The following ERCC6L variants were observed in gnomAD, a reference collection of about 807,000 sequenced individuals.
ERCC6L encodes DNA excision repair protein ERCC-6-like.
A neutral mutation model predicts 20.1 loss-of-function variants in ERCC6L; 7 were observed. The observed-to-expected ratio is 0.35, with a 90% CI of 0.20 to 0.65. The LOEUF is 0.65. Ranked by LOEUF, ERCC6L falls within the 30% of genes least tolerant of loss-of-function variation. ERCC6L has a pLI of 0.69. For missense variants in ERCC6L, 592 were observed against 892.4 expected, an observed-to-expected ratio of 0.66 and a Z score of 4.29; for synonymous variants, 278 against 331.3, an observed-to-expected ratio of 0.84 and a Z score of 1.75.
intron 1 of ERCC6L, among the ~76,000 whole-genome samples, chrX:72,229,289 A>C (rs960815716): frequency 7.2e-5 from 8 of 111,412 alleles, no homozygotes; most frequent in Admixed American, 1.9e-4. Flanking sequence ...ACCCAGTATC[A>C]CCTGAAGCAA....
chrX:72,221,433 G>A (rs867757059), intron 1 of ERCC6L, among the ~76,000 whole-genome samples: 1 of 110,797 alleles, frequency 9.0e-6, no homozygotes, highest in African/African-American at 3.3e-5. Flanking sequence ...GAAAGAGGAC[G>A]CCGGGTCTCT....
At chrX:72,212,737 T>G (rs2042862914) in intron 1 of ERCC6L, among the ~76,000 whole-genome samples, 1 of 111,798 alleles carries the variant, frequency 8.9e-6, no homozygotes, top group Admixed American at 9.5e-5. Context: ...GCCCAGGAGT[T>G]TGAGACTAGC....
chrX:72,213,127 G>A (rs2042866058), intron 1 of ERCC6L, among the ~76,000 whole-genome samples: 1 of 111,926 alleles, frequency 8.9e-6, no homozygotes. Context: ...CATGTGAGTG[G>A]GGTTATTGCT....
intron 1 of ERCC6L, among the ~76,000 whole-genome samples, chrX:72,232,065 C>T (rs1390961820): frequency 9.2e-6 from 1 of 108,783 alleles, no homozygotes; most frequent in East Asian, 2.9e-4. Context: ...GATGACAGAG[C>T]GAGACCCTGT....
intron 1 of ERCC6L, among the ~76,000 whole-genome samples, chrX:72,233,744 G>A (rs1341391075): frequency 1.0e-5 from 1 of 97,918 alleles, no homozygotes; most frequent in African/African-American, 4.3e-5. Context: ...TTTGAATATG[G>A]ACTATGTATT....
At chrX:72,214,297 TTCAG>T (rs756901177) in intron 1 of ERCC6L, among the ~76,000 whole-genome samples, 91 of 112,301 alleles carry the variant, frequency 8.1e-4, no homozygotes, top group Non-Finnish European at 1.4e-3. Flanking sequence ...TGGTTCACAT[TTCAG>T]TCAAACAATA....
chrX:72,219,245 G>T (rs758356713), intron 1 of ERCC6L, among the ~76,000 whole-genome samples: 3 of 109,216 alleles, frequency 2.7e-5, no homozygotes, highest in Admixed American at 9.8e-5. Context: ...AACAGAATGA[G>T]ACCCTGTCCC....
chrX:72,226,405 T>C (rs781320104), intron 1 of ERCC6L, among the ~76,000 whole-genome samples: 1 of 112,063 alleles, frequency 8.9e-6, no homozygotes, highest in East Asian at 2.8e-4. Context: ...AACAAGCAGA[T>C]TTATTTGCCC....
At chrX:72,228,405 A>G (rs2042965485) in intron 1 of ERCC6L, among the ~76,000 whole-genome samples, 1 of 111,873 alleles carries the variant, frequency 8.9e-6, no homozygotes, top group South Asian at 3.7e-4. Context: ...AACTGGTTTC[A>G]TTATACTTCT....
intron 1 of ERCC6L, among the ~76,000 whole-genome samples, chrX:72,217,655 C>T (rs751904216): frequency 9.0e-6 from 1 of 110,804 alleles, no homozygotes; most frequent in African/African-American, 3.3e-5. Flanking sequence ...GTTACTTGCC[C>T]ACCCTAGTGG....
chrX:72,235,310 A>G (rs2043010026), intron 1 of ERCC6L, among the ~76,000 whole-genome samples: 1 of 107,523 alleles, frequency 9.3e-6, no homozygotes, highest in Non-Finnish European at 1.9e-5. Flanking sequence ...CCCTTCCCCC[A>G]TCTACCGAGC....
At chrX:72,214,779 G>C (rs1437058948) in intron 1 of ERCC6L, among the ~76,000 whole-genome samples, 1 of 111,321 alleles carries the variant, frequency 9.0e-6, no homozygotes, top group Non-Finnish European at 1.9e-5. Flanking sequence ...TTGAGGTCAG[G>C]AGTTCGAGAT....
At chrX:72,234,891 A>G (rs1276976680) in intron 1 of ERCC6L, among the ~76,000 whole-genome samples, 1 of 111,467 alleles carries the variant, frequency 9.0e-6, no homozygotes, top group Non-Finnish European at 1.9e-5. Context: ...TGAAACAGGC[A>G]TCTAGTACAA....
Position 72,218,046 on chromosome X carries a change from G to A in ERCC6L, c.69-9348C>T, listed in dbSNP as rs768467882. Among the ~76,000 whole-genome samples, 28 of 111,026 alleles carry A rather than the reference G, an allele frequency of 2.5e-4. No individual in the cohort carries two copies. In the East Asian group the frequency reaches 7.7e-3, roughly 31 times the overall value. On this transcript the variant is annotated intron_variant, in intron 1 of 1. Transcript: ENST00000334463. ...AGCACTTTGGAAGGCCAAGGCAGGC[G>A]GATCAGGAGGTCAGGAGATCGAGAC...
chrX:72,208,303 T>C lies in ERCC6L; in HGVS notation c.464A>G (p.Asn155Ser), dbSNP rs1602437589. The change falls in exon 2 of 2, where the codon AAT becomes AGT. Residue 155 changes from asparagine to serine, a missense_variant. Physicochemically the swap from Asn to Ser is conservative, Grantham distance 46 (BLOSUM62 1). Transcript: ENST00000334463. ...TTCTTTTACCCATGTGTTAATAAGATTGGTTGGCATGATCAGCAGCACATG... is the reference window on the plus strand; with the variant it reads ...TTCTTTTACCCATGTGTTAATAAGACTGGTTGGCATGATCAGCAGCACATG... Reference protein sequence around the residue: ...VNHVLLIMPTNLINTWVKEFI... With the variant: ...VNHVLLIMPTSLINTWVKEFI... 8.3e-7 allele frequency: 1 copy of C among 1,210,273 alleles called. No individual in the cohort carries two copies. Among genetic ancestry groups the C allele is most frequent in the Admixed American group, 2.2e-5 (1 of 45,742 alleles).
intron 1 of ERCC6L, among the ~76,000 whole-genome samples, chrX:72,221,913 C>T (rs2042925145): frequency 9.1e-6 from 1 of 110,088 alleles, no homozygotes; most frequent in African/African-American, 3.3e-5. Context: ...TCCTCCAAAA[C>T]CCCTTCCCTC....
intron 1 of ERCC6L, among the ~76,000 whole-genome samples, chrX:72,227,848 T>G (rs764145387): frequency 8.9e-6 from 1 of 112,555 alleles, no homozygotes; most frequent in South Asian, 3.6e-4. Flanking sequence ...CAAAGACCTG[T>G]GCTAACATCC....
chrX:72,217,726 T>A lies in ERCC6L; in HGVS notation c.69-9028A>T, dbSNP rs554039084. 1.3e-4 allele frequency among the ~76,000 whole-genome samples: 14 copies of A among 107,342 alleles called. No homozygotes were observed. In the South Asian group the frequency reaches 3.9e-3, roughly 30 times the overall value. The allele number at this position is 107,342 out of a possible 115,157, so 93.2% of individuals were successfully genotyped here. Reference sequence around the variant, plus strand: ...AAAGCTTACTGAGCAGAAAAAAAAATAAAAAAAAACACAAAAAGAACAAAA... The same window carrying A: ...AAAGCTTACTGAGCAGAAAAAAAAAAAAAAAAAAACACAAAAAGAACAAAA... On this transcript the variant is annotated intron_variant, in intron 1 of 1. Coordinates refer to ENST00000334463, the MANE Select transcript of ERCC6L (RefSeq NM_017669.4).
rs1015466241 is a variant in ERCC6L, at chrX:72,205,070, C to G, written c.3697G>C (p.Asp1233His). 1.2e-5 allele frequency: 14 copies of G among 1,208,707 alleles called. No homozygotes were observed. The Admixed American group carries it at 2.2e-4, about 19-fold the overall frequency. ...AAAGTCAAGAGCATAACTTCAGGAT[C>G]TGCACTTTTTATGTCAAGCGCTTTA... ...LVKALDIKSA[D>H]PEVMLLTLSL... The change falls in exon 2 of 2, where the codon GAT (aspartate) becomes CAT (histidine). Residue 1233 changes from aspartate (D) to histidine (H), a missense_variant. This residue lies in a region of ERCC6L where 352 missense variants were observed against 402.6 expected (regional missense o/e 0.87). Transcript: ENST00000334463.
Sources: gnomAD v4.1 joint callset for allele counts (sites outside exome capture counted in the v4.1 genomes callset) on GRCh38, gnomAD v4.1.1 for gene constraint, gnomAD v4.1.1 regional missense constraint, MANE v1.5 for transcripts, NCBI Gene and HGNC (gene_info 2026-07-23, HGNC 2026-07-21) for gene names.